LRRK1: variants seen among roughly 807,000 people sequenced by gnomAD.
LRRK1 encodes leucine-rich repeat serine/threonine-protein kinase 1.
In LRRK1, 113 loss-of-function variants were observed where a neutral mutation model predicts 209.1. The observed-to-expected ratio is 0.54, with a 90% confidence interval of 0.46 to 0.63. LRRK1 has a LOEUF of 0.63. LRRK1 is among the 30% of genes least tolerant of loss of function. The pLI is 0.00. For missense variants in LRRK1, 2,284 were observed against 2,632.2 expected (o/e 0.87, Z 2.89); for synonymous variants, 1,144 against 1,099.7 (o/e 1.04, Z -0.80).
rs2412000 is a variant in LRRK1, at chr15:100,989,389, G to C, written c.753G>C (p.Pro251=). Residue 251 remains proline, a synonymous_variant, in exon 6 of 34, where the codon CCG becomes CCC. Transcript: ENST00000388948. ...CCAGTCCCTTGCCCAGCAGTTATCC[G>C]GGAAAAACAGTGAGTAGTCACTGCC... is the stretch of plus-strand genomic sequence containing the variant. ...IEASPLPSSY[P]GKTALRVKWS... 6.2e-7 allele frequency: 1 copy of C among 1,614,028 alleles called. No homozygotes were observed. The highest frequency in any genetic ancestry group is 8.5e-7 in the Non-Finnish European group (1 of 1,180,008).
chr15:100,988,519 G>A, intron 4 of LRRK1, 115 bp from the exon 5 acceptor site: 1 of 940,532 alleles, frequency 1.1e-6, no homozygotes, highest in South Asian at 1.3e-5. Context: ...TGGTGCAAAT[G>A]TACCACATTT....
intron 1 of LRRK1, 61 bp from the exon 2 acceptor site, chr15:100,924,440 ATGCAAATATT>A (rs1215896658): frequency 1.7e-6 from 1 of 586,196 alleles, no homozygotes; most frequent in Non-Finnish European, 3.1e-6. Flanking sequence ...AAATGAACCC[ATGCAAATATT>A]TGCAGGGGAG....
chr15:100,935,885 C>G (rs971448343), intron 2 of LRRK1, among the ~76,000 whole-genome samples: 1 of 152,174 alleles, frequency 6.6e-6, no homozygotes, highest in Admixed American at 6.5e-5. Context: ...TTCCACACAC[C>G]TTCTCATCCA....
rs1231380055 is a variant in LRRK1, at chr15:101,026,070, G to A, written c.2338G>A (p.Ala780Thr). ...RIATLRAYVL[A>T]LCRSPSGSRA... is the part of the protein sequence containing the mutation. ...TGCAACGCTGCGTGCCTATGTGCTGGCACTCTGCCGCTCCCCCTCCGGCTC... is the reference window on the plus strand; with the variant it reads ...TGCAACGCTGCGTGCCTATGTGCTGACACTCTGCCGCTCCCCCTCCGGCTC... The change falls in exon 17 of 34, where the codon GCA (alanine) becomes ACA (threonine). Residue 780 changes from alanine (A) to threonine (T), a missense_variant. Physicochemically the swap from Ala to Thr is moderately conservative, Grantham distance 58. Transcript: ENST00000388948. The A allele has an allele frequency of 1.2e-6, 2 of 1,614,240 alleles. No individual in the cohort carries two copies. Among genetic ancestry groups the A allele is most frequent in the Non-Finnish European group, 1.7e-6 (2 of 1,180,038 alleles).
At position 101,074,828 on chromosome 15, in the gene LRRK1, G is replaced by T. The variant is rs994162530; in HGVS notation, c.*5980G>T. ...GCTTGCTACAAGTGCCAGAAATCTGGCCACCAGGCCAAGGAATGCCTGCAG... is the reference window on the plus strand; with the variant it reads ...GCTTGCTACAAGTGCCAGAAATCTGTCCACCAGGCCAAGGAATGCCTGCAG... On this transcript the variant is annotated 3_prime_UTR_variant, in exon 34 of 34. Coordinates refer to ENST00000388948, the MANE Select transcript of LRRK1 (RefSeq NM_024652.6). 1 of 151,946 alleles carries T rather than the reference G, an allele frequency of 6.6e-6. No homozygotes were observed. Among genetic ancestry groups the T allele is most frequent in the Non-Finnish European group, 1.5e-5 (1 of 67,998 alleles). The allele number at this position is 151,946 out of a possible 1,614,324, so 9.4% of individuals were successfully genotyped here. A position where few individuals can be genotyped will look rare whatever the true frequency, so the allele number is the denominator to read the frequency against.
At chr15:101,013,420 T>C (rs369219880) in intron 10 of LRRK1, among the ~76,000 whole-genome samples, 19 of 152,044 alleles carry the variant, frequency 1.2e-4, no homozygotes, top group African/African-American at 4.3e-4. Context: ...ATAGCATGTC[T>C]AAGGTACTCC....
At chr15:100,924,932 TCA>T (rs1477128916) in intron 2 of LRRK1, among the ~76,000 whole-genome samples, 6 of 152,216 alleles carry the variant, frequency 3.9e-5, no homozygotes, top group African/African-American at 1.4e-4. Context: ...TATTGTGGAC[TCA>T]CAGATCTTAA....
chr15:101,052,030 G>C, intron 24 of LRRK1, 70 bp downstream of exon 24: 1 of 1,548,170 alleles, frequency 6.5e-7, no homozygotes, highest in Non-Finnish European at 8.8e-7. Flanking sequence ...TGCAGTTGCC[G>C]AGTGATCTCC....
In LRRK1 at chr15:101,061,304, A is replaced by G. The variant is rs1462962985; in HGVS notation, c.4797+16A>G. 2 of 1,580,520 alleles carry G rather than the reference A, an allele frequency of 1.3e-6. No homozygotes were observed. The highest frequency in any genetic ancestry group is 1.7e-5 in the Admixed American group (1 of 59,776). On this transcript the variant is annotated intron_variant, in intron 30 of 33. Coordinates refer to ENST00000388948, the MANE Select transcript of LRRK1 (RefSeq NM_024652.6). ...AGCCACCGAGGTAAGCACTGCCCGC[A>G]GGCCTGCCCACCGAGGTAAGCACTG...
At chr15:100,994,571 G>A (rs183400583) in intron 6 of LRRK1, among the ~76,000 whole-genome samples, 34 of 152,332 alleles carry the variant, frequency 2.2e-4, no homozygotes, top group Admixed American at 5.2e-4. Context: ...ATAGAGCATG[G>A]AGGAAGCGAT....
rs1223469642 is a variant in LRRK1, at chr15:101,075,967, A to G, written c.*7119A>G. 7.2e-5 allele frequency: 11 copies of G among 152,286 alleles called. No individual in the cohort carries two copies. The East Asian group carries it at 1.9e-3, about 27-fold the overall frequency. 9.4% of individuals were successfully genotyped at this position (152,286 alleles called of 1,614,324 possible). A position where few individuals can be genotyped will look rare whatever the true frequency, so the allele number is the denominator to read the frequency against. ...CAAATTTTTTCCCTATCTGTTACCTATCTCAGCATAATTCTCATAAAGACA... is the reference window on the plus strand; with the variant it reads ...CAAATTTTTTCCCTATCTGTTACCTGTCTCAGCATAATTCTCATAAAGACA... On this transcript the variant is annotated 3_prime_UTR_variant, in exon 34 of 34. Coordinates refer to ENST00000388948, the MANE Select transcript of LRRK1 (RefSeq NM_024652.6).
Position 101,076,310 on chromosome 15 carries a change from CT to C in LRRK1, c.*7465del, listed in dbSNP as rs1192790224. On this transcript the variant is annotated 3_prime_UTR_variant, in exon 34 of 34. Coordinates refer to ENST00000388948, the MANE Select transcript of LRRK1 (RefSeq NM_024652.6). ...TTCTTCCTCATACCTGACATATATA[CT>C]TTCTGCTCCCCGGCTCCTTCAGCTG... 6.6e-6 allele frequency: 1 copy of C among 152,196 alleles called. No individual in the cohort carries two copies. Among genetic ancestry groups the C allele is most frequent in the Non-Finnish European group, 1.5e-5 (1 of 68,042 alleles). 9.4% of individuals were successfully genotyped at this position (152,196 alleles called of 1,614,324 possible). A position where few individuals can be genotyped will look rare whatever the true frequency, so the allele number is the denominator to read the frequency against.
At position 101,071,647 on chromosome 15, in the gene LRRK1, C is replaced by T. The variant is rs565870925; in HGVS notation, c.*2799C>T. The T allele has an allele frequency of 1.3e-5, 2 of 152,230 alleles. No individual in the cohort carries two copies. The highest frequency in any genetic ancestry group is 2.9e-5 in the Non-Finnish European group (2 of 68,060). The allele number at this position is 152,230 out of a possible 1,614,324, so 9.4% of individuals were successfully genotyped here. On this transcript the variant is annotated 3_prime_UTR_variant, in exon 34 of 34. Transcript: ENST00000388948. ...TCAGGTGATCCGCCCGCCTCATCCT[C>T]CCAAAGTGCTGGGATTACAGGTGTG...
intron 6 of LRRK1, among the ~76,000 whole-genome samples, chr15:101,006,367 T>G (rs1310470018): frequency 9.7e-6 from 1 of 103,128 alleles, no homozygotes; most frequent in African/African-American, 4.8e-5. Flanking sequence ...GCAACGACAA[T>G]GTGATAAAAA....
At chr15:100,996,030 C>T (rs1185136890) in intron 6 of LRRK1, among the ~76,000 whole-genome samples, 1 of 152,198 alleles carries the variant, frequency 6.6e-6, no homozygotes, top group Non-Finnish European at 1.5e-5. Context: ...TTAAGGCAGG[C>T]GTTTTACTGG....
intron 2 of LRRK1, among the ~76,000 whole-genome samples, chr15:100,962,720 C>T (rs1357790729): frequency 1.4e-5 from 2 of 145,704 alleles, no homozygotes; most frequent in African/African-American, 5.1e-5. Flanking sequence ...TATTCATAGA[C>T]TCATTAGGGA....
At position 100,938,404 on chromosome 15, in the gene LRRK1, A is replaced by C. The variant is rs12440368; in HGVS notation, c.97+13675A>C. Among the ~76,000 whole-genome samples the C allele has an allele frequency of 5.1e-3, 784 of 152,242 alleles. 27 individuals are homozygous for C. The highest frequency in any genetic ancestry group is 0.047 in the Admixed American group (718 of 15,296). On this transcript the variant is annotated intron_variant, in intron 2 of 33. Coordinates refer to ENST00000388948, the MANE Select transcript of LRRK1 (RefSeq NM_024652.6). Reference sequence around the variant, plus strand: ...AATAAGGATAATTAGCATATCTATCACCGCAAACATTTTTCATTTCTTGGT... The same window carrying C: ...AATAAGGATAATTAGCATATCTATCCCCGCAAACATTTTTCATTTCTTGGT...
chr15:100,996,868 A>G (rs2032441745), intron 6 of LRRK1, among the ~76,000 whole-genome samples: 1 of 152,228 alleles, frequency 6.6e-6, no homozygotes, highest in African/African-American at 2.4e-5. Flanking sequence ...AAAAACTATT[A>G]TTTGAACTTC....
intron 16 of LRRK1, 151 bp downstream of exon 16, chr15:101,025,118 T>G: frequency 2.9e-6 from 2 of 690,304 alleles, no homozygotes; most frequent in Non-Finnish European, 4.5e-6. Context: ...CTTTTCACAG[T>G]GAGGCACTTG....
Sources: gnomAD v4.1 joint callset for allele counts (sites outside exome capture counted in the v4.1 genomes callset) on GRCh38, gnomAD v4.1.1 for gene constraint, MANE v1.5 for transcripts, NCBI Gene and HGNC (gene_info 2026-07-23, HGNC 2026-07-21) for gene names.